The following ANKRD17 variants were observed in gnomAD, a reference collection of about 807,000 sequenced individuals.
ANKRD17 encodes ankyrin repeat domain 17, also known as ankyrin repeat domain-containing protein 17.
Under a neutral mutation model 229.7 loss-of-function variants are expected in ANKRD17, and 19 were observed. That is an observed-to-expected ratio of 0.08 (90% CI 0.06 to 0.12). The LOEUF (loss-of-function observed/expected upper bound fraction) is 0.12, where lower values mean the gene tolerates loss of function less well. Ranked by LOEUF, ANKRD17 falls within the 10% of genes least tolerant of loss-of-function variation. The pLI, the probability that ANKRD17 is intolerant of heterozygous loss-of-function variation, is 1.00. For missense variants in ANKRD17, 2,176 were observed against 3,176.8 expected (o/e 0.68, Z 7.57); for synonymous variants, 1,112 against 1,146.1 (o/e 0.97, Z 0.60).
At chr4:73,090,219 G>A (rs555418314) in intron 29 of ANKRD17, among the ~76,000 whole-genome samples, 2 of 152,126 alleles carry the variant, frequency 1.3e-5, no homozygotes, top group Non-Finnish European at 2.9e-5. Context: ...AGACCAGCTT[G>A]GTCAACATGG....
chr4:73,093,877 A>C (rs575667183), intron 28 of ANKRD17, among the ~76,000 whole-genome samples: 1 of 152,336 alleles, frequency 6.6e-6, no homozygotes, highest in African/African-American at 2.4e-5. Flanking sequence ...ATTCCTATAA[A>C]AGTCTCTGAA....
intron 1 of ANKRD17, among the ~76,000 whole-genome samples, chr4:73,200,152 T>A (rs1180951857): frequency 6.6e-6 from 1 of 152,234 alleles, no homozygotes. Context: ...TGAAATTTTT[T>A]ATAAAGTACC....
At chr4:73,102,126 A>C (rs1724080917) in intron 25 of ANKRD17, among the ~76,000 whole-genome samples, 2 of 151,948 alleles carry the variant, frequency 1.3e-5, no homozygotes, top group Non-Finnish European at 2.9e-5. Context: ...AATTAAAAAA[A>C]ATTTTTTTCC....
At chr4:73,187,554 G>T (rs1008963931) in intron 1 of ANKRD17, among the ~76,000 whole-genome samples, 3 of 152,202 alleles carry the variant, frequency 2.0e-5, no homozygotes, top group Admixed American at 6.5e-5. Context: ...CATTTACATA[G>T]GACATACTGA....
At chr4:73,115,529 A>C (rs1388694283) in intron 23 of ANKRD17, among the ~76,000 whole-genome samples, 2 of 152,074 alleles carry the variant, frequency 1.3e-5, no homozygotes, top group African/African-American at 4.8e-5. Context: ...GGCTCATGCA[A>C]TCCACCTGCC....
chr4:73,248,799 T>C (rs1237618027), intron 1 of ANKRD17, among the ~76,000 whole-genome samples: 1 of 151,938 alleles, frequency 6.6e-6, no homozygotes, highest in African/African-American at 2.4e-5. Context: ...ATAGTTCAGA[T>C]TAGACAATGA....
At chr4:73,201,211 A>G (rs1310298906) in intron 1 of ANKRD17, among the ~76,000 whole-genome samples, 1 of 151,962 alleles carries the variant, frequency 6.6e-6, no homozygotes, top group Admixed American at 6.6e-5. Context: ...TAACAGTCAG[A>G]AAAAAAATGT....
At chr4:73,109,748 GT>G (rs955769663) in intron 24 of ANKRD17, among the ~76,000 whole-genome samples, 2 of 152,040 alleles carry the variant, frequency 1.3e-5, no homozygotes, top group African/African-American at 4.8e-5. Flanking sequence ...CATAAAGATT[GT>G]TTTTTCTCGA....
intron 2 of ANKRD17, among the ~76,000 whole-genome samples, chr4:73,162,491 G>A (rs1057311499): frequency 1.4e-4 from 22 of 151,856 alleles, no homozygotes; most frequent in African/African-American, 4.6e-4. Flanking sequence ...CTACTTCATC[G>A]GGCCAATGTC....
intron 1 of ANKRD17, among the ~76,000 whole-genome samples, chr4:73,234,054 A>G (rs565820743): frequency 3.3e-5 from 5 of 152,110 alleles, no homozygotes; most frequent in African/African-American, 1.2e-4. Flanking sequence ...TATCCTTCCC[A>G]TGGTTCCTAA....
rs374224300 is a variant in ANKRD17, at chr4:73,097,994, ACTTT to A, written c.5021+75_5021+78del. On this transcript the variant is annotated intron_variant, in intron 26 of 33. Coordinates refer to ENST00000358602, the MANE Select transcript of ANKRD17 (RefSeq NM_032217.5). ...ATCCTATTTTGCAAGTTGCAAATTT[ACTTT>A]CTTTACCAACAAATTCAGTAATAAG... is the stretch of plus-strand genomic sequence containing the variant. 1.2e-5 allele frequency: 16 copies of A among 1,380,136 alleles called. No individual in the cohort carries two copies. In the African/African-American group the frequency reaches 1.2e-4, roughly 10 times the overall value. The allele number at this position is 1,380,136 out of a possible 1,614,324, so 85.5% of individuals were successfully genotyped here. A position where few individuals can be genotyped will look rare whatever the true frequency, so the allele number is the denominator to read the frequency against.
intron 1 of ANKRD17, among the ~76,000 whole-genome samples, chr4:73,224,988 G>A (rs1435289621): frequency 6.6e-6 from 1 of 152,178 alleles, no homozygotes; most frequent in Non-Finnish European, 1.5e-5. Flanking sequence ...AGGGTATGTG[G>A]AATTAATGGC....
chr4:73,258,085 A>C (rs1745634443), intron 1 of ANKRD17, among the ~76,000 whole-genome samples, 191 bp downstream of exon 1: 2 of 141,100 alleles, frequency 1.4e-5, no homozygotes, highest in Non-Finnish European at 3.0e-5. Context: ...TCCCACCCCC[A>C]CGTGTCAGCT....
At chr4:73,236,673 C>A (rs922033107) in intron 1 of ANKRD17, among the ~76,000 whole-genome samples, 1 of 151,872 alleles carries the variant, frequency 6.6e-6, no homozygotes, top group African/African-American at 2.4e-5. Context: ...AAAAAAATGA[C>A]AACTTCATTC....
chr4:73,135,517 A>C (rs1042603191), intron 15 of ANKRD17, among the ~76,000 whole-genome samples: 41 of 152,164 alleles, frequency 2.7e-4, no homozygotes, highest in Non-Finnish European at 4.3e-4. Flanking sequence ...GCAGTCGTAA[A>C]ACCTTAATTC....
intron 1 of ANKRD17, among the ~76,000 whole-genome samples, chr4:73,204,779 G>A (rs541351617): frequency 1.3e-5 from 2 of 152,040 alleles, no homozygotes; most frequent in African/African-American, 4.8e-5. Context: ...TAATATTTTC[G>A]GGAAGTGGTA....
chr4:73,092,924 T>C (rs1427963565), intron 28 of ANKRD17, among the ~76,000 whole-genome samples: 3 of 152,160 alleles, frequency 2.0e-5, no homozygotes, highest in Non-Finnish European at 4.4e-5. Flanking sequence ...TATAAAACCT[T>C]AGTGCTGGAT....
intron 2 of ANKRD17, among the ~76,000 whole-genome samples, chr4:73,172,303 A>G (rs1050499835): frequency 1.3e-5 from 2 of 152,192 alleles, no homozygotes; most frequent in African/African-American, 2.4e-5. Flanking sequence ...ATTTTATCCT[A>G]TAATAGTACA....
At chr4:73,103,827 G>C (rs57141303) in intron 24 of ANKRD17, among the ~76,000 whole-genome samples, 1 of 148,804 alleles carries the variant, frequency 6.7e-6, no homozygotes, top group Non-Finnish European at 1.5e-5. Flanking sequence ...AACCCTCTCC[G>C]GTTTTTTTTT....
Sources: gnomAD v4.1 joint callset for allele counts (sites outside exome capture counted in the v4.1 genomes callset) on GRCh38, gnomAD v4.1.1 for gene constraint, MANE v1.5 for transcripts, NCBI Gene and HGNC (gene_info 2026-07-23, HGNC 2026-07-21) for gene names.